The following PPARGC1A variants were observed in gnomAD, a reference collection of about 807,000 sequenced individuals.
The protein encoded by PPARGC1A is PPARG coactivator 1 alpha.
In PPARGC1A, 25 loss-of-function variants were observed where a neutral mutation model predicts 88.7. The ratio of observed to expected loss-of-function variants is 0.28; its 90% CI spans 0.21 to 0.39. The LOEUF is 0.39. Among genes scored for constraint, PPARGC1A ranks in the 10% least tolerant of loss-of-function variants. The pLI is 1.00. For synonymous variants in PPARGC1A, 363 were observed against 355.6 expected (o/e 1.02, Z -0.24); for missense variants, 880 against 968.7 (o/e 0.91, Z 1.22).
the PPARGC1A span, among the ~76,000 whole-genome samples, chr4:24,126,993 T>C: frequency 3.9e-5 from 6 of 152,052 alleles, no homozygotes; most frequent in African/African-American, 1.4e-4. Flanking sequence ...CCATTTCCTA[T>C]CCCCGAGCCA....
chr4:24,147,091 A>G, the PPARGC1A span, among the ~76,000 whole-genome samples: 1 of 152,132 alleles, frequency 6.6e-6, no homozygotes, highest in Non-Finnish European at 1.5e-5. Context: ...ACAGGTATCT[A>G]GTTTTAGGAG....
intron 2 of PPARGC1A, among the ~76,000 whole-genome samples, chr4:23,858,195 T>C (rs1730550262): frequency 6.6e-6 from 1 of 152,100 alleles, no homozygotes; most frequent in South Asian, 2.1e-4. Context: ...ATACCCCCTC[T>C]ATTCCAGGCA....
the PPARGC1A span, among the ~76,000 whole-genome samples, chr4:23,993,112 G>A: frequency 6.6e-6 from 1 of 152,002 alleles, no homozygotes; most frequent in Non-Finnish European, 1.5e-5. Context: ...AAAAAAAAGG[G>A]CAAACTCTGT....
At chr4:24,112,825 C>A in the PPARGC1A span, among the ~76,000 whole-genome samples, 7 of 152,172 alleles carry the variant, frequency 4.6e-5, no homozygotes, top group African/African-American at 9.7e-5. Context: ...AACGTCGAGA[C>A]CCATCTCTTG....
At chr4:24,359,256 T>C in the PPARGC1A span, among the ~76,000 whole-genome samples, 2 of 152,196 alleles carry the variant, frequency 1.3e-5, no homozygotes, top group African/African-American at 4.8e-5. Flanking sequence ...CTCCCTCTCC[T>C]GACCTCCAAA....
the PPARGC1A span, among the ~76,000 whole-genome samples, chr4:24,231,456 C>G: frequency 6.6e-6 from 1 of 152,166 alleles, no homozygotes; most frequent in Non-Finnish European, 1.5e-5. Context: ...CTAAGGGTCT[C>G]CAGTACAGAA....
At chr4:24,008,815 A>G in the PPARGC1A span, among the ~76,000 whole-genome samples, 10 of 152,172 alleles carry the variant, frequency 6.6e-5, no homozygotes, top group Non-Finnish European at 1.5e-4. Context: ...TGCAACATCT[A>G]TAGGCATCTG....
chr4:24,090,751 G>C, the PPARGC1A span, among the ~76,000 whole-genome samples: 11 of 152,340 alleles, frequency 7.2e-5, no homozygotes, highest in South Asian at 1.7e-3. Context: ...ATATGCATTA[G>C]AGGTGTGTAA....
the PPARGC1A span, among the ~76,000 whole-genome samples, chr4:24,429,500 C>T: frequency 6.6e-6 from 1 of 151,918 alleles, no homozygotes; most frequent in South Asian, 2.1e-4. Context: ...GGAAGGGAAA[C>T]AAATAACTCT....
At chr4:24,353,589 T>C in the PPARGC1A span, among the ~76,000 whole-genome samples, 1 of 152,196 alleles carries the variant, frequency 6.6e-6, no homozygotes, top group Non-Finnish European at 1.5e-5. Flanking sequence ...AAGAACATAT[T>C]CTTATTCTGT....
At chr4:23,910,455 T>A in the PPARGC1A span, among the ~76,000 whole-genome samples, 3 of 128,704 alleles carry the variant, frequency 2.3e-5, no homozygotes, top group Non-Finnish European at 4.7e-5. Flanking sequence ...ATATATATAT[T>A]TTTGACACAG....
At chr4:24,120,994 A>G in the PPARGC1A span, among the ~76,000 whole-genome samples, 1 of 152,240 alleles carries the variant, frequency 6.6e-6, no homozygotes, top group Non-Finnish European at 1.5e-5. Context: ...TCTCTCTCCA[A>G]TAGCAACAAG....
chr4:24,208,797 C>G, the PPARGC1A span, among the ~76,000 whole-genome samples: 1 of 151,512 alleles, frequency 6.6e-6, no homozygotes, highest in Non-Finnish European at 1.5e-5. Context: ...TCCTCATAAT[C>G]AAAATAATAG....
the PPARGC1A span, among the ~76,000 whole-genome samples, chr4:23,970,041 T>A: frequency 6.6e-6 from 1 of 152,218 alleles, no homozygotes; most frequent in African/African-American, 2.4e-5. Context: ...CTGATTCCCA[T>A]AAGCATTCTG....
the PPARGC1A span, among the ~76,000 whole-genome samples, chr4:23,998,050 C>T: frequency 0.031 from 4,669 of 152,228 alleles, 117 homozygotes; most frequent in South Asian, 0.11. Flanking sequence ...CTGGATAAAT[C>T]GTCCAAATGA....
the PPARGC1A span, among the ~76,000 whole-genome samples, chr4:24,065,946 G>T: frequency 6.6e-6 from 1 of 152,144 alleles, no homozygotes; most frequent in Non-Finnish European, 1.5e-5. Flanking sequence ...CAGAAGCTCC[G>T]GCAGGCAACT....
the PPARGC1A span, among the ~76,000 whole-genome samples, chr4:24,458,373 C>T: frequency 3.9e-5 from 6 of 152,174 alleles, no homozygotes; most frequent in Admixed American, 6.5e-5. Context: ...TAGTGGCACA[C>T]GCCTGTAGTC....
At chr4:24,088,424 A>G in the PPARGC1A span, among the ~76,000 whole-genome samples, 5 of 152,046 alleles carry the variant, frequency 3.3e-5, no homozygotes, top group Non-Finnish European at 5.9e-5. Context: ...CAGAAGAAGA[A>G]GAGGAGGAAA....
chr4:24,268,400 G>C, the PPARGC1A span, among the ~76,000 whole-genome samples: 1 of 152,134 alleles, frequency 6.6e-6, no homozygotes, highest in Non-Finnish European at 1.5e-5. Context: ...TGATGGCCTT[G>C]CAAATGCATG....
Sources: gnomAD v4.1 joint callset for allele counts (sites outside exome capture counted in the v4.1 genomes callset) on GRCh38, gnomAD v4.1.1 for gene constraint, MANE v1.5 for transcripts, NCBI Gene and HGNC (gene_info 2026-07-23, HGNC 2026-07-21) for gene names.